The following CATSPERT variants were observed in gnomAD, a reference collection of about 807,000 sequenced individuals.
The protein encoded by CATSPERT is cation channel sperm-associated targeting subunit tau.
the CATSPERT span, among the ~76,000 whole-genome samples, chr2:201,558,503 G>A: frequency 1.2e-3 from 189 of 152,332 alleles, no homozygotes; most frequent in African/African-American, 4.4e-3. Context: ...CTGCTGCCCT[G>A]TCTCCTCTGT....
chr2:201,536,414 C>G, the CATSPERT span: 2 of 1,396,474 alleles, frequency 1.4e-6, no homozygotes, highest in Non-Finnish European at 1.9e-6. Flanking sequence ...CAATTGTACC[C>G]TTATCCTTTA....
chr2:201,541,379 C>T, the CATSPERT span, among the ~76,000 whole-genome samples: 16 of 151,542 alleles, frequency 1.1e-4, no homozygotes, highest in African/African-American at 3.2e-4. Context: ...AGCCAACTGA[C>T]GCAGCAAAAT....
the CATSPERT span, among the ~76,000 whole-genome samples, chr2:201,516,155 A>AAGC: frequency 4.6e-5 from 7 of 152,316 alleles, no homozygotes; most frequent in African/African-American, 1.7e-4. Context: ...TAGACAGTTG[A>AAGC]AGCACAATGG....
chr2:201,555,771 C>G, the CATSPERT span: 1 of 152,144 alleles, frequency 6.6e-6, no homozygotes, highest in Non-Finnish European at 1.5e-5. Context: ...CTAGCCTAAC[C>G]AATCTAGCCC....
the CATSPERT span, among the ~76,000 whole-genome samples, chr2:201,543,775 T>C: frequency 6.6e-6 from 1 of 152,220 alleles, no homozygotes; most frequent in Non-Finnish European, 1.5e-5. Flanking sequence ...GAATTTTCTA[T>C]ATGTAAGATC....
the CATSPERT span, among the ~76,000 whole-genome samples, chr2:201,609,167 C>T: frequency 3.9e-5 from 6 of 152,064 alleles, no homozygotes; most frequent in African/African-American, 1.4e-4. Flanking sequence ...ATATTATGTA[C>T]CCAACACCAG....
the CATSPERT span, among the ~76,000 whole-genome samples, chr2:201,603,674 C>T: frequency 1.2e-3 from 181 of 152,238 alleles, 1 homozygote; most frequent in Middle Eastern, 3.4e-3. Context: ...TGTCCTAAGA[C>T]CACTTAATTC....
the CATSPERT span, chr2:201,534,493 T>A: frequency 6.1e-6 from 6 of 983,138 alleles, no homozygotes; most frequent in Non-Finnish European, 7.2e-6. Flanking sequence ...GTGGTTAATA[T>A]CTTGAAAATA....
the CATSPERT span, chr2:201,493,138 A>G: frequency 6.5e-7 from 1 of 1,527,472 alleles, no homozygotes; most frequent in Middle Eastern, 1.7e-4. Flanking sequence ...AAAGGATTTT[A>G]ACATTATTTC....
the CATSPERT span, among the ~76,000 whole-genome samples, chr2:201,517,407 C>T: frequency 6.6e-6 from 1 of 152,162 alleles, no homozygotes; most frequent in Non-Finnish European, 1.5e-5. Context: ...ACCCAGCCTG[C>T]AGGGTTTTCT....
At chr2:201,517,437 A>G in the CATSPERT span, among the ~76,000 whole-genome samples, 1 of 152,154 alleles carries the variant, frequency 6.6e-6, no homozygotes, top group Admixed American at 6.5e-5. Context: ...TCTTCCAGAA[A>G]GCCATGTCTC....
At chr2:201,505,327 C>T in the CATSPERT span, among the ~76,000 whole-genome samples, 1 of 152,070 alleles carries the variant, frequency 6.6e-6, no homozygotes, top group East Asian at 1.9e-4. Context: ...GTGATCTGCC[C>T]ACCTCGGCCT....
At chr2:201,615,292 C>G in the CATSPERT span, among the ~76,000 whole-genome samples, 1 of 152,268 alleles carries the variant, frequency 6.6e-6, no homozygotes, top group African/African-American at 2.4e-5. Context: ...CCAAAATTGA[C>G]CACATAGTTG....
the CATSPERT span, among the ~76,000 whole-genome samples, chr2:201,524,261 T>C: frequency 6.6e-6 from 1 of 152,164 alleles, no homozygotes; most frequent in African/African-American, 2.4e-5. Flanking sequence ...CCCATCAGGC[T>C]CACAAGAGAC....
At chr2:201,518,342 G>A in the CATSPERT span, among the ~76,000 whole-genome samples, 2 of 152,150 alleles carry the variant, frequency 1.3e-5, no homozygotes, top group Non-Finnish European at 2.9e-5. Flanking sequence ...ATTTTGTCAG[G>A]GCTTATGAGC....
At chr2:201,605,614 T>C in the CATSPERT span, among the ~76,000 whole-genome samples, 1 of 152,080 alleles carries the variant, frequency 6.6e-6, no homozygotes, top group East Asian at 1.9e-4. Flanking sequence ...GAAATGACCA[T>C]GGCCAAGAAA....
chr2:201,526,920 C>A, the CATSPERT span, among the ~76,000 whole-genome samples: 1 of 152,064 alleles, frequency 6.6e-6, no homozygotes, highest in African/African-American at 2.4e-5. Flanking sequence ...CAAAATCAGG[C>A]AAGATAAAGA....
the CATSPERT span, among the ~76,000 whole-genome samples, chr2:201,605,532 A>G: frequency 1.3e-5 from 2 of 152,208 alleles, no homozygotes; most frequent in Non-Finnish European, 2.9e-5. Context: ...CCCATCAATT[A>G]CAACTTCATC....
chr2:201,502,022 C>T, the CATSPERT span, among the ~76,000 whole-genome samples: 1 of 152,174 alleles, frequency 6.6e-6, no homozygotes, highest in African/African-American at 2.4e-5. Flanking sequence ...CAGGTATCCT[C>T]CAGCCAGCTT....
Sources: allele counts gnomAD v4.1 joint callset (sites outside exome capture counted in the v4.1 genomes callset), GRCh38; gene constraint gnomAD v4.1.1; transcripts MANE v1.5; gene names NCBI Gene and HGNC (gene_info 2026-07-23, HGNC 2026-07-21).